Variants in GRIA1 observed in about 807,000 individuals in gnomAD.
GRIA1 encodes the protein glutamate ionotropic receptor AMPA type subunit 1.
GRIA1 carries 31 observed loss-of-function variants against 99.2 expected under a neutral mutation model. The ratio of observed to expected loss-of-function variants is 0.31; its 90% CI spans 0.23 to 0.42. The LOEUF (loss-of-function observed/expected upper bound fraction) is 0.42. Ranked by LOEUF, GRIA1 falls within the 10% of genes least tolerant of loss-of-function variation. The pLI is 1.00. For missense variants in GRIA1, 782 were observed against 1,157.5 expected (o/e 0.68, Z 4.71); for synonymous variants, 438 against 432.4 (o/e 1.01, Z -0.16).
In GRIA1 at chr5:153,770,397, C is replaced by A; in HGVS notation, c.2252C>A (p.Pro751His). The change falls in exon 13 of 16, where the codon CCC becomes CAC. Residue 751 changes from proline (P) to histidine (H), a missense_variant. Physicochemically the swap from Pro to His is moderately conservative, Grantham distance 77. Around this residue, in one of 5 missense-constraint regions of GRIA1, gnomAD observed 119 missense variants for 326.6 expected, o/e 0.36. Coordinates refer to ENST00000285900, the MANE Select transcript of GRIA1 (RefSeq NM_000827.4). ...LDSKGYGIAT[P>H]KGSALRNPVN... ...TCCAAAGGCTATGGCATTGCAACAC[C>A]CAAGGGGTCTGCCCTGAGGTAAGTA... is the stretch of plus-strand genomic sequence containing the variant. The A allele has an allele frequency of 6.2e-7, 1 of 1,613,714 alleles. No individual in the cohort carries two copies. The highest frequency in any genetic ancestry group is 8.5e-7 in the Non-Finnish European group (1 of 1,179,782).
At chr5:153,725,816 T>C (rs10053518) in intron 11 of GRIA1, among the ~76,000 whole-genome samples, 60,985 of 113,160 alleles carry the variant, frequency 0.54, 17,901 homozygotes, top group East Asian at 0.93. Context: ...CCACTGTCAA[T>C]GTTAGACAGA....
chr5:153,704,565 A>T (rs1358735159), intron 10 of GRIA1, among the ~76,000 whole-genome samples: 3 of 152,356 alleles, frequency 2.0e-5, no homozygotes, highest in African/African-American at 7.2e-5. Context: ...TTTGAAATTT[A>T]AAAACTGTAT....
intron 2 of GRIA1, among the ~76,000 whole-genome samples, chr5:153,537,610 C>T (rs1297004236): frequency 6.6e-6 from 1 of 152,166 alleles, no homozygotes; most frequent in East Asian, 1.9e-4. Flanking sequence ...TAGCAATCTA[C>T]CTCTGTAATC....
chr5:153,626,396 GCTCT>G (rs1462524531), intron 2 of GRIA1, among the ~76,000 whole-genome samples: 12 of 151,346 alleles, frequency 7.9e-5, no homozygotes, highest in Admixed American at 5.3e-4. Flanking sequence ...CCTTGACTCT[GCTCT>G]CTCTATGTGG....
intron 13 of GRIA1, among the ~76,000 whole-genome samples, chr5:153,776,816 T>G (rs2926848): frequency 6.6e-6 from 1 of 151,936 alleles, no homozygotes; most frequent in Admixed American, 6.6e-5. Flanking sequence ...TTTCAGGGAC[T>G]GAGGGTTTCC....
intron 11 of GRIA1, among the ~76,000 whole-genome samples, chr5:153,742,602 TTG>T (rs1761883641): frequency 6.6e-6 from 1 of 152,174 alleles, no homozygotes; most frequent in East Asian, 1.9e-4. Flanking sequence ...CTTCCTGTGT[TTG>T]TGAGACTAAG....
intron 2 of GRIA1, among the ~76,000 whole-genome samples, chr5:153,523,875 T>C (rs1297451875): frequency 6.6e-6 from 1 of 152,224 alleles, no homozygotes. Flanking sequence ...TCTTACTGCA[T>C]GCTAGTTTTC....
chr5:153,610,614 A>G (rs571773584), intron 2 of GRIA1, among the ~76,000 whole-genome samples: 2 of 152,132 alleles, frequency 1.3e-5, no homozygotes, highest in South Asian at 4.2e-4. Context: ...TAGTCTCCAG[A>G]GTCAAGATGC....
intron 7 of GRIA1, among the ~76,000 whole-genome samples, chr5:153,680,177 T>A (rs1756873045): frequency 2.0e-5 from 3 of 152,106 alleles, no homozygotes; most frequent in Admixed American, 2.0e-4. Context: ...ACACAAGAGC[T>A]ATGGCCCAGC....
At chr5:153,791,599 C>G (rs1765310072) in intron 13 of GRIA1, among the ~76,000 whole-genome samples, 1 of 151,976 alleles carries the variant, frequency 6.6e-6, no homozygotes, top group Admixed American at 6.5e-5. Context: ...GAGTGACAGC[C>G]TGGGGCAAGT....
chr5:153,518,447 T>C (rs989842441), intron 2 of GRIA1, among the ~76,000 whole-genome samples: 1 of 152,206 alleles, frequency 6.6e-6, no homozygotes, highest in Non-Finnish European at 1.5e-5. Context: ...CTGAAGTGGC[T>C]ATTTCTTTCT....
chr5:153,508,862 G>A (rs1425125956), intron 2 of GRIA1, among the ~76,000 whole-genome samples: 1 of 97,006 alleles, frequency 1.0e-5, no homozygotes, highest in Non-Finnish European at 1.8e-5. Context: ...CTGTAGGATA[G>A]GTTAAGGCTA....
chr5:153,770,066 C>T, intron 12 of GRIA1, 102 bp from the exon 13 acceptor site: 2 of 1,179,794 alleles, frequency 1.7e-6, no homozygotes, highest in South Asian at 1.4e-5. Flanking sequence ...GCTAATCTCG[C>T]TCATGAATGT....
rs1307686041 is a variant in GRIA1, at chr5:153,598,799, C to T, written c.221-48129C>T. 9.8e-5 allele frequency among the ~76,000 whole-genome samples: 8 copies of T among 81,832 alleles called. No homozygotes were observed. The Admixed American group carries it at 1.2e-3, about 12-fold the overall frequency. 53.7% of individuals were successfully genotyped at this position (81,832 alleles called of 152,430 possible). On this transcript the variant is annotated intron_variant, in intron 2 of 15. Coordinates refer to ENST00000285900, the MANE Select transcript of GRIA1 (RefSeq NM_000827.4). Reference sequence around the variant, plus strand: ...GAATAAAATGAAGGTTAAACCACGGCAGCTTTTTTTTCTCACTAACATTCA... The same window carrying T: ...GAATAAAATGAAGGTTAAACCACGGTAGCTTTTTTTTCTCACTAACATTCA...
At chr5:153,675,117 C>T (rs1280595371) in intron 6 of GRIA1, among the ~76,000 whole-genome samples, 1 of 152,206 alleles carries the variant, frequency 6.6e-6, no homozygotes, top group Non-Finnish European at 1.5e-5. Context: ...ACAAGCAGAT[C>T]TTCCATTCAT....
intron 5 of GRIA1, among the ~76,000 whole-genome samples, chr5:153,660,099 A>C (rs1581420551): frequency 6.6e-6 from 1 of 152,190 alleles, no homozygotes; most frequent in Non-Finnish European, 1.5e-5. Context: ...TGAGCTGCAG[A>C]GGAGAAAGAC....
intron 2 of GRIA1, among the ~76,000 whole-genome samples, chr5:153,576,515 T>G (rs1762541931): frequency 1.3e-5 from 2 of 152,240 alleles, no homozygotes; most frequent in Non-Finnish European, 2.9e-5. Context: ...CCTTTCTATT[T>G]TTCTAATTTC....
chr5:153,600,466 C>T (rs944112184), intron 2 of GRIA1, among the ~76,000 whole-genome samples: 1 of 149,890 alleles, frequency 6.7e-6, no homozygotes, highest in African/African-American at 2.5e-5. Context: ...AGAGAAATGC[C>T]CTCAAATCCA....
At chr5:153,804,058 T>G (rs1454698100) in intron 15 of GRIA1, among the ~76,000 whole-genome samples, 1 of 152,112 alleles carries the variant, frequency 6.6e-6, no homozygotes, top group East Asian at 1.9e-4. Context: ...CACCTCATGT[T>G]CCCACTCATG....
Sources: allele counts gnomAD v4.1 joint callset (sites outside exome capture counted in the v4.1 genomes callset), GRCh38; gene constraint gnomAD v4.1.1; regional missense constraint gnomAD v4.1.1; transcripts MANE v1.5; gene names NCBI Gene and HGNC (gene_info 2026-07-23, HGNC 2026-07-21).